The following PPY variants were observed in gnomAD, a reference collection of about 807,000 sequenced individuals.
The protein encoded by PPY is pancreatic polypeptide.
In PPY, 6 loss-of-function variants were observed where a neutral mutation model predicts 9.3. The observed-to-expected ratio is 0.64, with a 90% CI of 0.35 to 1.27. PPY has a LOEUF of 1.27. PPY is among the 50% of genes most tolerant of loss of function. PPY has a pLI of 0.03. For missense variants in PPY, 109 were observed against 119.1 expected, an observed-to-expected ratio of 0.91 and a Z score of 0.40; for synonymous variants, 58 against 54.6, an observed-to-expected ratio of 1.06 and a Z score of -0.27.
chr17:43,941,210 C>T lies in PPY; in HGVS notation c.196G>A (p.Gly66Arg), dbSNP rs1026439895. ...AGCGTGTCCTCTTTGTGTCTTTTCCCATACCTGGGAGGGAAGAGGCAGCAG... is the reference window on the plus strand; with the variant it reads ...AGCGTGTCCTCTTTGTGTCTTTTCCTATACCTGGGAGGGAAGAGGCAGCAG... ...YINMLTRPRYGKRHKEDTLAF... is the reference protein window; with the variant it reads ...YINMLTRPRYRKRHKEDTLAF... The change falls in exon 3 of 4, where the codon GGG (glycine) becomes AGG (arginine). Residue 66 changes from glycine to arginine, a missense_variant. Transcript: ENST00000225992. 17 of 1,551,610 alleles carry T rather than the reference C, an allele frequency of 1.1e-5. No homozygotes were observed. In the South Asian group the frequency reaches 2.0e-4, roughly 18 times the overall value.
Position 43,940,873 on chromosome 17 carries a change from G to A in PPY, c.*55C>T. 6.3e-7 allele frequency: 1 copy of A among 1,579,728 alleles called. No homozygotes were observed. On this transcript the variant is annotated 3_prime_UTR_variant, in exon 4 of 4. Transcript: ENST00000225992. The stretch of plus-strand genomic sequence containing the variant: ...AGCTTTGGCCAGAGCCAAGGGTGCA[G>A]AGGGGAGAGCTGGGCTGGCGCTGCT...
At chr17:43,941,324 T>G in intron 2 of PPY, 110 bp from the exon 3 acceptor site, 1 of 1,505,158 alleles carries the variant, frequency 6.6e-7, no homozygotes, top group Non-Finnish European at 9.1e-7. Context: ...TCTAGGCCTG[T>G]TGAGCACAGA....
chr17:43,941,952 G>A (rs758815379), intron 1 of PPY, among the ~76,000 whole-genome samples: 2 of 152,140 alleles, frequency 1.3e-5, no homozygotes. Context: ...GACATCCAGG[G>A]CCTCATGGCT....
At chr17:43,942,878 T>G (rs2048587803), upstream of PPY, among the ~76,000 whole-genome samples, 1 of 152,132 alleles carries the variant, frequency 6.6e-6, no homozygotes, top group African/African-American at 2.4e-5. The surrounding 1 kb of genome is among the most constrained non-coding windows in gnomAD (Gnocchi z 5.3). Flanking sequence ...GGCAGAAGAT[T>G]GAGGCTGCAG....
chr17:43,944,054 C>T (rs533850178), upstream of PPY, among the ~76,000 whole-genome samples: 1 of 152,356 alleles, frequency 6.6e-6, no homozygotes, highest in African/African-American at 2.4e-5. Flanking sequence ...TCAGCAAGCC[C>T]GGGCCTTTCT....
chr17:43,944,174 G>C (rs777279866), upstream of PPY, among the ~76,000 whole-genome samples: 17 of 152,192 alleles, frequency 1.1e-4, no homozygotes, highest in Non-Finnish European at 2.2e-4. Context: ...GAGGGCGCCA[G>C]GCTCCAACCC....
Position 43,942,140 on chromosome 17 carries a change from C to T in PPY, c.-1+281G>A. 5.3e-6 allele frequency: 1 copy of T among 188,686 alleles called. No individual in the cohort carries two copies. The allele number at this position is 188,686 out of a possible 1,614,324, so 11.7% of individuals were successfully genotyped here. A position where few individuals can be genotyped will look rare whatever the true frequency, so the allele number is the denominator to read the frequency against. On this transcript the variant is annotated intron_variant, in intron 1 of 3. Transcript: ENST00000225992. The surrounding 1 kb of genome is among the most constrained non-coding windows in gnomAD (Gnocchi z 5.3). ...AGAAGACGCTACTGTCCATGTCGTCCTGCACAGACCAGCAAAGGCACTCAC... is the reference window on the plus strand; with the variant it reads ...AGAAGACGCTACTGTCCATGTCGTCTTGCACAGACCAGCAAAGGCACTCAC...
At position 43,942,256 on chromosome 17, in the gene PPY, A is replaced by G. The variant is rs771874855; in HGVS notation, c.-1+165T>C. 1 of 155,666 alleles carries G rather than the reference A, an allele frequency of 6.4e-6. No homozygotes were observed. Among genetic ancestry groups the G allele is most frequent in the African/African-American group, 2.4e-5 (1 of 41,520 alleles). The allele number at this position is 155,666 out of a possible 1,614,324, so 9.6% of individuals were successfully genotyped here. On this transcript the variant is annotated intron_variant, in intron 1 of 3. Transcript: ENST00000225992. The surrounding 1 kb of genome is among the most constrained non-coding windows in gnomAD (Gnocchi z 5.3). ...GTGCACACACACGTGCAGTCAGCAGACGGCTCTTCTAGCGTGACAGGTCTG... is the reference window on the plus strand; with the variant it reads ...GTGCACACACACGTGCAGTCAGCAGGCGGCTCTTCTAGCGTGACAGGTCTG...
Position 43,940,838 on chromosome 17 carries a change from G to A in PPY, c.*90C>T. 6.7e-7 allele frequency: 1 copy of A among 1,499,950 alleles called. No homozygotes were observed. Among genetic ancestry groups the A allele is most frequent in the East Asian group, 2.4e-5 (1 of 41,306 alleles). The allele number at this position is 1,499,950 out of a possible 1,614,324, so 92.9% of individuals were successfully genotyped here. A position where few individuals can be genotyped will look rare whatever the true frequency, so the allele number is the denominator to read the frequency against. The stretch of plus-strand genomic sequence containing the variant: ...CTTGCTTTATTGAGCCTGTGTGGGA[G>A]CAGGGAGCAAGCTTTGGCCAGAGCC... On this transcript the variant is annotated 3_prime_UTR_variant, in exon 4 of 4. Coordinates refer to ENST00000225992, the MANE Select transcript of PPY (RefSeq NM_002722.5).
chr17:43,943,733 G>A (rs1316978148), upstream of PPY, among the ~76,000 whole-genome samples: 1 of 152,212 alleles, frequency 6.6e-6, no homozygotes, highest in East Asian at 1.9e-4. Context: ...AGAGGGGACT[G>A]GAGGTGAAAC....
chr17:43,941,250 C>T (rs199580993), intron 2 of PPY, 36 bp from the exon 3 acceptor site: 1 of 1,547,920 alleles, frequency 6.5e-7, no homozygotes, highest in Admixed American at 2.0e-5. Flanking sequence ...AAGCACTGTG[C>T]CCAGGTGCCA....
chr17:43,941,224 A>G lies in PPY; in HGVS notation c.192-10T>C. The G allele has an allele frequency of 6.4e-7, 1 of 1,551,266 alleles. No individual in the cohort carries two copies. The highest frequency in any genetic ancestry group is 1.2e-5 in the South Asian group (1 of 84,044). On this transcript the variant is annotated splice_polypyrimidine_tract_variant and intron_variant, in intron 2 of 3. Coordinates refer to ENST00000225992, the MANE Select transcript of PPY (RefSeq NM_002722.5). ...GTGTCTTTTCCCATACCTGGGAGGG[A>G]AGAGGCAGCAGGGGCAAGCACTGTG...
At chr17:43,941,688 G>A (rs373684092) in intron 1 of PPY, 34 bp from the exon 2 acceptor site, 61 of 1,551,322 alleles carry the variant, frequency 3.9e-5, no homozygotes, top group Middle Eastern at 2.3e-4. Flanking sequence ...TGGAGAGCCC[G>A]GGCTGCAGAT....
intron 2 of PPY, 64 bp from the exon 3 acceptor site, chr17:43,941,278 C>T: frequency 1.3e-6 from 2 of 1,531,480 alleles, no homozygotes; most frequent in African/African-American, 1.4e-5. Flanking sequence ...TGTTTCATAT[C>T]TGCCTGTAGG....
intron 3 of PPY, 37 bp downstream of exon 3, chr17:43,941,106 A>G: frequency 6.5e-7 from 1 of 1,549,132 alleles, no homozygotes; most frequent in Non-Finnish European, 8.7e-7. Context: ...TTTCAGCTCC[A>G]GGGAGCTGGA....
Position 43,942,062 on chromosome 17 carries a change from C to T in PPY, c.-1+359G>A, listed in dbSNP as rs1018045734. The T allele has an allele frequency of 4.1e-6, 1 of 243,442 alleles. No homozygotes were observed. Among genetic ancestry groups the T allele is most frequent in the Non-Finnish European group, 8.2e-6 (1 of 121,716 alleles). The allele number at this position is 243,442 out of a possible 1,614,324, so 15.1% of individuals were successfully genotyped here. A position where few individuals can be genotyped will look rare whatever the true frequency, so the allele number is the denominator to read the frequency against. On this transcript the variant is annotated intron_variant, in intron 1 of 3. Transcript: ENST00000225992. The surrounding 1 kb of genome is among the most constrained non-coding windows in gnomAD (Gnocchi z 5.3). Reference sequence around the variant, plus strand: ...GGAAGCCAAGGACAGAAATCCATGGCCTTGTGGGTCTGGCCCTCCACCCTG... The same window carrying T: ...GGAAGCCAAGGACAGAAATCCATGGTCTTGTGGGTCTGGCCCTCCACCCTG...
Position 43,941,175 on chromosome 17 carries a change from C to G in PPY, c.231G>C (p.Ser77=). The G allele has an allele frequency of 6.4e-7, 1 of 1,551,690 alleles. No homozygotes were observed. Among genetic ancestry groups the G allele is most frequent in the Non-Finnish European group, 8.7e-7 (1 of 1,147,004 alleles). The change falls in exon 3 of 4, where the codon TCG becomes TCC. Residue 77 remains serine, a synonymous_variant. Transcript: ENST00000225992. ...KRHKEDTLAF[S]EWGSPHAAVP... Reference sequence around the variant, plus strand: ...CAGCAGCATGCGGGGACCCCCACTCCGAGAAGGCCAGCGTGTCCTCTTTGT... The same window carrying G: ...CAGCAGCATGCGGGGACCCCCACTCGGAGAAGGCCAGCGTGTCCTCTTTGT...
chr17:43,943,416 G>A (rs1196434430), upstream of PPY, among the ~76,000 whole-genome samples: 2 of 152,084 alleles, frequency 1.3e-5, no homozygotes, highest in Non-Finnish European at 2.9e-5. Flanking sequence ...CTTTTTGGCT[G>A]AGAAACCTGA....
rs1243309656 is a variant in PPY, at chr17:43,941,228, G to A, written c.192-14C>T. On this transcript the variant is annotated splice_polypyrimidine_tract_variant and intron_variant, in intron 2 of 3. Transcript: ENST00000225992. ...CTTTTCCCATACCTGGGAGGGAAGA[G>A]GCAGCAGGGGCAAGCACTGTGCCCA... 3 of 1,551,274 alleles carry A rather than the reference G, an allele frequency of 1.9e-6. No homozygotes were observed. The highest frequency in any genetic ancestry group is 2.0e-5 in the Admixed American group (1 of 50,994).
Sources: allele counts gnomAD v4.1 joint callset (sites outside exome capture counted in the v4.1 genomes callset), GRCh38; gene constraint gnomAD v4.1.1; non-coding constraint Gnocchi (gnomAD v3.1); transcripts MANE v1.5; gene names NCBI Gene and HGNC (gene_info 2026-07-23, HGNC 2026-07-21).